Variants in GRID2 observed in about 807,000 individuals in gnomAD.
GRID2 encodes glutamate receptor ionotropic, delta-2.
Under a neutral mutation model 114.8 loss-of-function variants are expected in GRID2, and 33 were observed. That is an observed-to-expected ratio of 0.29 (90% confidence interval 0.22 to 0.38). The LOEUF (loss-of-function observed/expected upper bound fraction) is 0.38, where lower values mean the gene tolerates loss of function less well. Ranked by LOEUF, GRID2 falls within the 10% of genes least tolerant of loss-of-function variation. The pLI is 1.00. For synonymous variants in GRID2, 505 were observed against 449.9 expected (o/e 1.12, Z -1.55); for missense variants, 1,184 against 1,257.7 (o/e 0.94, Z 0.89).
chr4:93,772,314 A>T lies in GRID2; in HGVS notation c.2840A>T (p.Lys947Ile). ...ACTCTTAGCCGCACACTGTCAGCTAAAGCTGCTTCTGGTTTCACTTTTGGC... is the reference window on the plus strand; with the variant it reads ...ACTCTTAGCCGCACACTGTCAGCTATAGCTGCTTCTGGTTTCACTTTTGGC... Reference protein sequence around the residue: ...IQTLSRTLSAKAASGFTFGNV... With the variant: ...IQTLSRTLSAIAASGFTFGNV... Residue 947 changes from lysine (K) to isoleucine (I), a missense_variant, in exon 16 of 16, where the codon AAA (lysine) becomes ATA (isoleucine). Lys to Ile is a moderately radical substitution (Grantham distance 102). Transcript: ENST00000282020. 1 of 1,614,140 alleles carries T rather than the reference A, an allele frequency of 6.2e-7. No individual in the cohort carries two copies. Among genetic ancestry groups the T allele is most frequent in the Non-Finnish European group, 8.5e-7 (1 of 1,180,004 alleles).
intron 10 of GRID2, among the ~76,000 whole-genome samples, chr4:93,430,957 G>A (rs1769352665): frequency 6.6e-6 from 1 of 152,166 alleles, no homozygotes; most frequent in Non-Finnish European, 1.5e-5. Context: ...CAAAATTTAT[G>A]AGAATTTTGC....
At chr4:92,733,385 C>A (rs896345659) in intron 2 of GRID2, among the ~76,000 whole-genome samples, 2 of 152,122 alleles carry the variant, frequency 1.3e-5, no homozygotes, top group Non-Finnish European at 2.9e-5. Context: ...TCTGTCTCTG[C>A]CCAAGCTAAT....
chr4:93,507,130 C>T (rs1397867953), intron 12 of GRID2, among the ~76,000 whole-genome samples: 2 of 152,080 alleles, frequency 1.3e-5, no homozygotes, highest in African/African-American at 4.8e-5. Flanking sequence ...ATAAGGACAC[C>T]CCTTCAGGCA....
chr4:92,790,236 A>T (rs1360642045), intron 2 of GRID2, among the ~76,000 whole-genome samples: 1 of 151,694 alleles, frequency 6.6e-6, no homozygotes, highest in African/African-American at 2.4e-5. Flanking sequence ...TTACAAACCT[A>T]TCTGTCTACT....
At chr4:92,641,488 C>A in intron 2 of GRID2, among the ~76,000 whole-genome samples, 2 of 149,338 alleles carry the variant, frequency 1.3e-5, no homozygotes, top group African/African-American at 4.9e-5. Flanking sequence ...TGTATTTAAA[C>A]ATAAAAACTG....
intron 14 of GRID2, among the ~76,000 whole-genome samples, chr4:93,730,535 C>T (rs1730386666): frequency 6.6e-6 from 1 of 152,216 alleles, no homozygotes; most frequent in African/African-American, 2.4e-5. Flanking sequence ...ACAGGCTGAA[C>T]TGGAGAGCCA....
chr4:92,330,424 C>A (rs1337635049), intron 1 of GRID2, among the ~76,000 whole-genome samples: 1 of 151,970 alleles, frequency 6.6e-6, no homozygotes, highest in Non-Finnish European at 1.5e-5. Context: ...GTCTCACTTT[C>A]AATGGAATGT....
intron 1 of GRID2, among the ~76,000 whole-genome samples, chr4:92,450,089 G>A (rs532601926): frequency 7.1e-4 from 108 of 152,086 alleles, no homozygotes; most frequent in African/African-American, 2.5e-3. Context: ...TTTGGTCACT[G>A]TTCCTTAGAA....
chr4:92,772,829 G>A (rs1738606374), intron 2 of GRID2, among the ~76,000 whole-genome samples: 1 of 152,148 alleles, frequency 6.6e-6, no homozygotes, highest in South Asian at 2.1e-4. Context: ...GTTGTATGGT[G>A]AATAGCACAG....
At chr4:93,767,299 T>C (rs112140242) in intron 14 of GRID2, among the ~76,000 whole-genome samples, 132 of 152,264 alleles carry the variant, frequency 8.7e-4, no homozygotes, top group African/African-American at 3.1e-3. Flanking sequence ...CTTACAGAGG[T>C]CTTGTAGGTA....
At chr4:92,735,385 A>G (rs897691412) in intron 2 of GRID2, among the ~76,000 whole-genome samples, 2 of 152,132 alleles carry the variant, frequency 1.3e-5, no homozygotes, top group Non-Finnish European at 2.9e-5. Flanking sequence ...TACAACAATT[A>G]TAACAATATA....
intron 2 of GRID2, among the ~76,000 whole-genome samples, chr4:92,969,820 A>G (rs1476840508): frequency 6.6e-6 from 1 of 151,910 alleles, no homozygotes; most frequent in African/African-American, 2.4e-5. Context: ...TTTGAAAGAA[A>G]TATGGAGCGC....
chr4:93,197,687 T>A (rs1422630703), intron 4 of GRID2, among the ~76,000 whole-genome samples: 1 of 152,144 alleles, frequency 6.6e-6, no homozygotes, highest in Non-Finnish European at 1.5e-5. Flanking sequence ...CATTTAGTCC[T>A]CACTATGCCT....
At position 93,120,130 on chromosome 4, in the gene GRID2, C is replaced by A. The variant is rs540849528; in HGVS notation, c.735+9177C>A. ...GAGAGGATGTGGAGAAATAGGAACA[C>A]TTTTACACTGTTTGTGGGAGTGTAA... On this transcript the variant is annotated intron_variant, in intron 4 of 15. Coordinates refer to ENST00000282020, the MANE Select transcript of GRID2 (RefSeq NM_001510.4). Among the ~76,000 whole-genome samples, 5 of 152,270 alleles carry A rather than the reference C, an allele frequency of 3.3e-5. No homozygotes were observed. In the South Asian group the frequency reaches 1.0e-3, roughly 32 times the overall value.
chr4:92,780,267 G>A (rs1160756887), intron 2 of GRID2, among the ~76,000 whole-genome samples: 1 of 152,076 alleles, frequency 6.6e-6, no homozygotes, highest in Non-Finnish European at 1.5e-5. Context: ...TGTTGTTGTT[G>A]AGTTGTTTTG....
intron 14 of GRID2, among the ~76,000 whole-genome samples, chr4:93,688,971 T>A (rs114242436): frequency 3.9e-3 from 592 of 152,150 alleles, no homozygotes; most frequent in African/African-American, 0.013. Context: ...TATGACTGTA[T>A]TTAAAGACGG....
At chr4:92,662,455 A>G (rs1040298714) in intron 2 of GRID2, among the ~76,000 whole-genome samples, 3 of 151,070 alleles carry the variant, frequency 2.0e-5, no homozygotes, top group African/African-American at 7.3e-5. Context: ...TAACATATAC[A>G]TGCATAAAAT....
At chr4:92,429,210 GCA>G (rs1236591061) in intron 1 of GRID2, among the ~76,000 whole-genome samples, 3 of 152,096 alleles carry the variant, frequency 2.0e-5, no homozygotes, top group Non-Finnish European at 4.4e-5. Context: ...TGCATAATAA[GCA>G]CATCAGGGTA....
intron 12 of GRID2, among the ~76,000 whole-genome samples, chr4:93,513,267 C>T (rs978072721): frequency 2.0e-5 from 3 of 151,600 alleles, no homozygotes; most frequent in African/African-American, 7.3e-5. Context: ...AGATATATTC[C>T]ATTCCTTCTT....
Sources: allele counts gnomAD v4.1 joint callset (sites outside exome capture counted in the v4.1 genomes callset), GRCh38; gene constraint gnomAD v4.1.1; transcripts MANE v1.5; gene names NCBI Gene and HGNC (gene_info 2026-07-23, HGNC 2026-07-21).